CMYA5: variants seen among roughly 807,000 people sequenced by gnomAD.
CMYA5 encodes cardiomyopathy-associated protein 5.
A neutral mutation model predicts 318.9 loss-of-function variants in CMYA5; 246 were observed. That is an observed-to-expected ratio of 0.77 (90% CI 0.70 to 0.86). The LOEUF is 0.86. CMYA5 is among the 40% of genes least tolerant of loss of function. The pLI is 0.00. For synonymous variants in CMYA5, 1,641 were observed against 1,729.5 expected (o/e 0.95, Z 1.27); for missense variants, 4,589 against 4,678.2 (o/e 0.98, Z 0.56).
At chr5:79,704,679 G>A (rs1265870295) in intron 1 of CMYA5, among the ~76,000 whole-genome samples, 1 of 144,712 alleles carries the variant, frequency 6.9e-6, no homozygotes, top group African/African-American at 2.8e-5. Flanking sequence ...TAGCTATGTT[G>A]AGAGAGAGAG....
intron 1 of CMYA5, among the ~76,000 whole-genome samples, chr5:79,699,887 A>G (rs1293464370): frequency 6.6e-6 from 1 of 152,226 alleles, no homozygotes; most frequent in Non-Finnish European, 1.5e-5. Context: ...GTGCATTTAC[A>G]TACTTGACTC....
intron 5 of CMYA5, among the ~76,000 whole-genome samples, chr5:79,750,863 ACT>A (rs931961288): frequency 3.3e-5 from 5 of 151,954 alleles, no homozygotes; most frequent in Non-Finnish European, 7.4e-5. Flanking sequence ...ATAAGGGAAA[ACT>A]CTAACATTTT....
At chr5:79,789,429 AT>A (rs11331633) in intron 10 of CMYA5, among the ~76,000 whole-genome samples, 99,433 of 147,292 alleles carry the variant, frequency 0.68, 33,515 homozygotes, top group East Asian at 0.9. Context: ...TCTCTAGATG[AT>A]TTTTTTTTTT....
At position 79,731,516 on chromosome 5, in the gene CMYA5, A is replaced by T; in HGVS notation, c.2751A>T (p.Glu917Asp). The change falls in exon 2 of 13, where the codon GAA becomes GAT. Residue 917 changes from glutamate (E) to aspartate (D), a missense_variant. By Grantham distance (45) the Glu-to-Asp change is conservative. Around this residue, in one of 3 missense-constraint regions of CMYA5, gnomAD observed 2,132 missense variants for 2,131.3 expected, o/e 1.00. Transcript: ENST00000446378. ...PYATPEAQEE[E>D]IVHRSLNLKG... The stretch of plus-strand genomic sequence containing the variant: ...CAACACCGGAGGCACAGGAGGAAGA[A>T]ATTGTCCATAGATCTCTAAATCTAA... The T allele has an allele frequency of 1.2e-6, 2 of 1,603,478 alleles. No homozygotes were observed. The highest frequency in any genetic ancestry group is 1.7e-6 in the Non-Finnish European group (2 of 1,174,876).
chr5:79,709,987 A>AT (rs1827356214), intron 1 of CMYA5, among the ~76,000 whole-genome samples: 2 of 146,022 alleles, frequency 1.4e-5, no homozygotes, highest in African/African-American at 2.5e-5. Flanking sequence ...AAAAAAAAAA[A>AT]AGAAAGAAAG....
At chr5:79,776,505 T>A (rs1828941305) in intron 9 of CMYA5, among the ~76,000 whole-genome samples, 1 of 152,026 alleles carries the variant, frequency 6.6e-6, no homozygotes, top group Non-Finnish European at 1.5e-5. Flanking sequence ...TTCCCACCCC[T>A]TCTTACCCCG....
At chr5:79,746,388 T>A (rs1218520683) in intron 4 of CMYA5, among the ~76,000 whole-genome samples, 1 of 152,140 alleles carries the variant, frequency 6.6e-6, no homozygotes, top group African/African-American at 2.4e-5. Flanking sequence ...ACTAAACTCA[T>A]TACATTGTTT....
Position 79,739,111 on chromosome 5 carries a change from A to C in CMYA5, c.10346A>C (p.Asp3449Ala). 1 of 1,613,924 alleles carries C rather than the reference A, an allele frequency of 6.2e-7. No individual in the cohort carries two copies. Among genetic ancestry groups the C allele is most frequent in the Non-Finnish European group, 8.5e-7 (1 of 1,179,856 alleles). Residue 3449 changes from aspartate (D) to alanine (A), a missense_variant, in exon 2 of 13, where the codon GAT (aspartate) becomes GCT (alanine). Asp to Ala is a moderately radical substitution (Grantham distance 126). Transcript: ENST00000446378. ...CTGTCTTCAGAATCCACACCTGAAG[A>C]TGTCTTATCTCAAGGAAAGGAATCC... The part of the protein sequence containing the change: ...EELSSESTPE[D>A]VLSQGKESFE...
At position 79,705,302 on chromosome 5, in the gene CMYA5, C is replaced by T. The variant is rs927067480; in HGVS notation, c.149+15246C>T. 2.6e-5 allele frequency among the ~76,000 whole-genome samples: 4 copies of T among 152,056 alleles called. No homozygotes were observed. The East Asian group carries it at 7.7e-4, about 29-fold the overall frequency. On this transcript the variant is annotated intron_variant, in intron 1 of 12. Coordinates refer to ENST00000446378, the MANE Select transcript of CMYA5 (RefSeq NM_153610.5). ...AATAAATAAAATAAAATAATTTTCTCTTGCAGGCCTTGGCAACACATGTGC... is the reference window on the plus strand; with the variant it reads ...AATAAATAAAATAAAATAATTTTCTTTTGCAGGCCTTGGCAACACATGTGC...
chr5:79,732,365 T>C lies in CMYA5; in HGVS notation c.3600T>C (p.Ala1200=). The change falls in exon 2 of 13, where the codon GCT becomes GCC. Residue 1200 remains alanine, a synonymous_variant. Coordinates refer to ENST00000446378, the MANE Select transcript of CMYA5 (RefSeq NM_153610.5). ...LTLKAADEQM[A]LSKVRKEEIV... ...TAAAAGCTGCAGATGAACAGATGGC[T>C]TTGTCAAAAGTCAGAAAGGAAGAAA... The C allele has an allele frequency of 6.2e-7, 1 of 1,613,732 alleles. No homozygotes were observed. The highest frequency in any genetic ancestry group is 8.5e-7 in the Non-Finnish European group (1 of 1,179,806).
chr5:79,736,251 A>G lies in CMYA5; in HGVS notation c.7486A>G (p.Ile2496Val), dbSNP rs1396032327. ...RDSNEIGKTQ[I>V]TLGSRSTELK... ...TAGTAATGAAATAGGGAAGACACAA[A>G]TTACACTTGGATCTAGATCTACTGA... is the stretch of plus-strand genomic sequence containing the variant. The change falls in exon 2 of 13, where the codon ATT becomes GTT. Residue 2496 changes from isoleucine to valine, a missense_variant. Coordinates refer to ENST00000446378, the MANE Select transcript of CMYA5 (RefSeq NM_153610.5). The G allele has an allele frequency of 6.2e-7, 1 of 1,613,446 alleles. No individual in the cohort carries two copies. Among genetic ancestry groups the G allele is most frequent in the East Asian group, 2.2e-5 (1 of 44,874 alleles).
chr5:79,730,089 G>A lies in CMYA5; in HGVS notation c.1324G>A (p.Gly442Ser). 1 of 1,613,754 alleles carries A rather than the reference G, an allele frequency of 6.2e-7. No homozygotes were observed. Among genetic ancestry groups the A allele is most frequent in the Non-Finnish European group, 8.5e-7 (1 of 1,179,868 alleles). ...HSISLEAASP[G>S]LAASTQDGLD... ...CATTTCTCTGGAGGCAGCGTCACCA[G>A]GTCTGGCAGCATCTACCCAGGATGG... The change falls in exon 2 of 13, where the codon GGT becomes AGT. Residue 442 changes from glycine (G) to serine (S), a missense_variant. Physicochemically the swap from Gly to Ser is moderately conservative, Grantham distance 56 (BLOSUM62 0). Around this residue, in one of 3 missense-constraint regions of CMYA5, gnomAD observed 2,132 missense variants for 2,131.3 expected, o/e 1.00. Transcript: ENST00000446378.
intron 2 of CMYA5, among the ~76,000 whole-genome samples, chr5:79,739,687 A>C (rs937705529): frequency 6.6e-6 from 1 of 151,190 alleles, no homozygotes; most frequent in Non-Finnish European, 1.5e-5. Flanking sequence ...CACACACACA[A>C]AACAATAAGA....
At chr5:79,791,183 G>C (rs1829172205) in intron 11 of CMYA5, 114 bp downstream of exon 11, 1 of 679,064 alleles carries the variant, frequency 1.5e-6, no homozygotes, top group Non-Finnish European at 2.6e-6. Context: ...AACATGTCGG[G>C]ATGTGGTCTC....
intron 9 of CMYA5, among the ~76,000 whole-genome samples, chr5:79,765,282 A>G (rs1164772894): frequency 1.3e-5 from 2 of 152,160 alleles, no homozygotes; most frequent in African/African-American, 2.4e-5. Context: ...CAGGTTTGTC[A>G]AAGTTCAGCT....
Position 79,789,073 on chromosome 5 carries a change from A to G in CMYA5, c.11658A>G (p.Glu3886=). 1 of 1,613,978 alleles carries G rather than the reference A, an allele frequency of 6.2e-7. No homozygotes were observed. Reference sequence around the variant, plus strand: ...CCATCAATGCATTTGGGACAAGTGAACAGAGTGAAGCTGCTCTCATCTCCA... The same window carrying G: ...CCATCAATGCATTTGGGACAAGTGAGCAGAGTGAAGCTGCTCTCATCTCCA... The part of the protein sequence containing the change: ...VRAINAFGTS[E]QSEAALISTR... Residue 3886 remains glutamate, a synonymous_variant, in exon 10 of 13, where the codon GAA becomes GAG. Transcript: ENST00000446378.
Position 79,731,771 on chromosome 5 carries a change from A to G in CMYA5, c.3006A>G (p.Ser1002=). The change falls in exon 2 of 13, where the codon TCA becomes TCG. Residue 1002 remains serine (S), a synonymous_variant. Transcript: ENST00000446378. The part of the protein sequence containing the change: ...TEEAELFSPD[S]ASQVSIPPFR... ...AAGCGGAACTGTTCTCTCCAGACTC[A>G]GCATCACAAGTTTCAATCCCTCCCT... The G allele has an allele frequency of 1.2e-6, 2 of 1,613,254 alleles. No individual in the cohort carries two copies. Among genetic ancestry groups the G allele is most frequent in the Non-Finnish European group, 8.5e-7 (1 of 1,179,620 alleles).
At position 79,758,829 on chromosome 5, in the gene CMYA5, G is replaced by C. The variant is rs1828586919; in HGVS notation, c.11187G>C (p.Met3729Ile). ...TSTTIAVYWS[M>I]NKEDVIDSFQ... ...CAACAATTGCAGTTTACTGGAGCAT[G>C]AACAAGGAAGATGTCATTGATTCAT... is the stretch of plus-strand genomic sequence containing the variant. Residue 3729 changes from methionine to isoleucine, a missense_variant, in exon 7 of 13, where the codon ATG becomes ATC. By Grantham distance (10) the Met-to-Ile change is conservative. Around this residue, in one of 3 missense-constraint regions of CMYA5, gnomAD observed 2,431 missense variants for 2,495.1 expected, o/e 0.97. Coordinates refer to ENST00000446378, the MANE Select transcript of CMYA5 (RefSeq NM_153610.5). 1 of 1,604,480 alleles carries C rather than the reference G, an allele frequency of 6.2e-7. No individual in the cohort carries two copies. The highest frequency in any genetic ancestry group is 1.7e-5 in the Admixed American group (1 of 58,610).
chr5:79,748,524 T>TCTATCTATCTAC (rs1649696016), intron 5 of CMYA5, among the ~76,000 whole-genome samples: 1 of 39,194 alleles, frequency 2.6e-5, no homozygotes, highest in African/African-American at 2.2e-4. Flanking sequence ...TATCTACCTA[T>TCTATCTATCTAC]CTATCTATCT....
Sources: gnomAD v4.1 joint callset for allele counts (sites outside exome capture counted in the v4.1 genomes callset) on GRCh38, gnomAD v4.1.1 for gene constraint, gnomAD v4.1.1 regional missense constraint, MANE v1.5 for transcripts, NCBI Gene and HGNC (gene_info 2026-07-23, HGNC 2026-07-21) for gene names.